GLRA1: variants seen among roughly 807,000 people sequenced by gnomAD.
The protein encoded by GLRA1 is glycine receptor subunit alpha-1.
GLRA1 carries 37 observed loss-of-function variants against 48.3 expected under a neutral mutation model. The ratio of observed to expected loss-of-function variants is 0.77; its 90% confidence interval spans 0.59 to 1.01. The LOEUF is 1.01. Among genes scored for constraint, GLRA1 ranks in the 50% least tolerant of loss-of-function variants. The pLI, the probability that GLRA1 is intolerant of heterozygous loss-of-function variation, is 0.00. For missense variants in GLRA1, 427 were observed against 571.0 expected (o/e 0.75, Z 2.57); for synonymous variants, 196 against 210.7 (o/e 0.93, Z 0.60).
At chr5:151,872,913 A>T (rs1204938514) in intron 3 of GLRA1, among the ~76,000 whole-genome samples, 2 of 149,622 alleles carry the variant, frequency 1.3e-5, no homozygotes, top group African/African-American at 5.1e-5. Context: ...CTACTTATAT[A>T]AAGACATGTA....
intron 3 of GLRA1, among the ~76,000 whole-genome samples, chr5:151,865,487 G>A (rs954712209): frequency 6.6e-6 from 1 of 152,104 alleles, no homozygotes; most frequent in African/African-American, 2.4e-5. Context: ...AGGAGTGGGA[G>A]GACACATGCA....
At chr5:151,839,384 TCTC>T (rs1763656168) in intron 7 of GLRA1, among the ~76,000 whole-genome samples, 1 of 152,244 alleles carries the variant, frequency 6.6e-6, no homozygotes, top group African/African-American at 2.4e-5. Flanking sequence ...ATAACTTTTT[TCTC>T]CTATCTGATT....
chr5:151,833,837 T>C (rs1763493930), intron 7 of GLRA1, among the ~76,000 whole-genome samples: 2 of 145,522 alleles, frequency 1.4e-5, no homozygotes, highest in South Asian at 4.4e-4. Context: ...AATCCTAGTT[T>C]CTGATAAAAC....
chr5:151,854,791 A>AT (rs965998716), intron 6 of GLRA1, among the ~76,000 whole-genome samples: 2 of 152,290 alleles, frequency 1.3e-5, no homozygotes, highest in African/African-American at 4.8e-5. Context: ...AATAGGATCC[A>AT]TTCTGCTACC....
At chr5:151,909,656 A>G (rs193104593) in intron 1 of GLRA1, among the ~76,000 whole-genome samples, 1 of 152,370 alleles carries the variant, frequency 6.6e-6, no homozygotes, top group Non-Finnish European at 1.5e-5. Context: ...TCTGGTCCCT[A>G]GTAAAATAAA....
At position 151,851,570 on chromosome 5, in the gene GLRA1, C is replaced by T. The variant is rs112560122; in HGVS notation, c.732G>A (p.Leu244=). The T allele has an allele frequency of 4.1e-5, 66 of 1,613,980 alleles. 1 individual carries two copies. In the African/African-American group the frequency reaches 4.3e-4, roughly 10 times the overall value. Residue 244 remains leucine (L), a synonymous_variant, in exon 7 of 9, where the codon CTG becomes CTA. Transcript: ENST00000274576. ...KFTCIEARFH[L]ERQMGYYLIQ... Reference sequence around the variant, plus strand: ...TCAGGTAGTAACCCATCTGCCGCTCCAGGTGGAACCGGGCCTCAATGCAGG... The same window carrying T: ...TCAGGTAGTAACCCATCTGCCGCTCTAGGTGGAACCGGGCCTCAATGCAGG...
At chr5:151,910,307 C>T (rs1182561999) in intron 1 of GLRA1, among the ~76,000 whole-genome samples, 1 of 152,064 alleles carries the variant, frequency 6.6e-6, no homozygotes, top group Non-Finnish European at 1.5e-5. Flanking sequence ...ATATATTTTC[C>T]AGCTTTTCAA....
intron 1 of GLRA1, among the ~76,000 whole-genome samples, chr5:151,904,205 T>C (rs1754424214): frequency 6.6e-6 from 1 of 152,192 alleles, no homozygotes. Flanking sequence ...CTAGGGTCGT[T>C]GCTGAGGTTT....
intron 7 of GLRA1, among the ~76,000 whole-genome samples, chr5:151,844,210 A>G (rs1046430864): frequency 2.0e-5 from 3 of 151,896 alleles, no homozygotes; most frequent in Non-Finnish European, 2.9e-5. Context: ...CTCACATCAC[A>G]TATATAAATA....
chr5:151,831,135 C>G (rs961722405), intron 7 of GLRA1, among the ~76,000 whole-genome samples: 4 of 152,230 alleles, frequency 2.6e-5, no homozygotes, highest in Non-Finnish European at 5.9e-5. Flanking sequence ...TACTCTTTTC[C>G]CAGTGTCTTT....
At chr5:151,901,065 A>T (rs903633119) in intron 1 of GLRA1, among the ~76,000 whole-genome samples, 9 of 152,184 alleles carry the variant, frequency 5.9e-5, no homozygotes, top group Non-Finnish European at 1.3e-4. Flanking sequence ...GCCCCTGGGG[A>T]AAATATTTAA....
chr5:151,836,668 C>T (rs1343262166), intron 7 of GLRA1, among the ~76,000 whole-genome samples: 1 of 151,894 alleles, frequency 6.6e-6, no homozygotes, highest in African/African-American at 2.4e-5. Context: ...CTATAACCAT[C>T]TGATCTTGAC....
At chr5:151,887,119 G>C (rs542365474) in intron 2 of GLRA1, among the ~76,000 whole-genome samples, 1 of 152,290 alleles carries the variant, frequency 6.6e-6, no homozygotes, top group African/African-American at 2.4e-5. Flanking sequence ...CCACAAATTA[G>C]TGGCTGAAAT....
chr5:151,852,476 A>G (rs1212571365), intron 6 of GLRA1, among the ~76,000 whole-genome samples: 1 of 152,194 alleles, frequency 6.6e-6, no homozygotes, highest in Non-Finnish European at 1.5e-5. Context: ...TCTGCACTAG[A>G]CTAGGCAGCT....
At chr5:151,846,094 G>A (rs762917563) in intron 7 of GLRA1, among the ~76,000 whole-genome samples, 3 of 152,160 alleles carry the variant, frequency 2.0e-5, no homozygotes, top group Non-Finnish European at 2.9e-5. Flanking sequence ...TGGAGGGTAT[G>A]GATTTTCTTT....
chr5:151,906,877 T>G (rs1001533397), intron 1 of GLRA1, among the ~76,000 whole-genome samples: 1 of 152,186 alleles, frequency 6.6e-6, no homozygotes, highest in Non-Finnish European at 1.5e-5. Context: ...TCCAAGTGAC[T>G]AGGGAAGACC....
At chr5:151,903,830 A>G (rs115656054) in intron 1 of GLRA1, among the ~76,000 whole-genome samples, 1,641 of 152,226 alleles carry the variant, frequency 0.011, 34 homozygotes, top group African/African-American at 0.038. Flanking sequence ...AACATCAAGC[A>G]TTTTCTTTTC....
rs557224607 is a variant in GLRA1, at chr5:151,912,609, A to T, written c.56+11885T>A. Among the ~76,000 whole-genome samples, 20 of 152,294 alleles carry T rather than the reference A, an allele frequency of 1.3e-4. No homozygotes were observed. The South Asian group carries it at 4.1e-3, about 32-fold the overall frequency. On this transcript the variant is annotated intron_variant, in intron 1 of 8. Coordinates refer to ENST00000274576, the MANE Select transcript of GLRA1 (RefSeq NM_000171.4). The stretch of plus-strand genomic sequence containing the variant: ...TGGAGCAGAAAGTGGTCATGGTGAG[A>T]TACAGCAGTGCTTTAGGGTTGGTTG...
intron 3 of GLRA1, among the ~76,000 whole-genome samples, chr5:151,874,209 C>G (rs1753566212): frequency 6.6e-6 from 1 of 152,150 alleles, no homozygotes; most frequent in South Asian, 2.1e-4. Flanking sequence ...TGGGCAGTCC[C>G]TTTACCATCA....
Sources: gnomAD v4.1 joint callset for allele counts (sites outside exome capture counted in the v4.1 genomes callset) on GRCh38, gnomAD v4.1.1 for gene constraint, MANE v1.5 for transcripts, NCBI Gene and HGNC (gene_info 2026-07-23, HGNC 2026-07-21) for gene names.